Variants in PIAS1 observed in about 807,000 individuals in gnomAD.
PIAS1 encodes E3 SUMO-protein ligase PIAS1.
A neutral mutation model predicts 71.3 loss-of-function variants in PIAS1; 6 were observed. The observed-to-expected ratio is 0.08, with a 90% CI of 0.05 to 0.17. PIAS1 has a LOEUF of 0.17. Among genes scored for constraint, PIAS1 ranks in the 10% least tolerant of loss-of-function variants. PIAS1 has a pLI of 1.00. For missense variants in PIAS1, 555 were observed against 793.6 expected (o/e 0.70, Z 3.61); for synonymous variants, 303 against 292.9 (o/e 1.03, Z -0.35).
chr15:68,106,155 A>G (rs1413990397), intron 2 of PIAS1, among the ~76,000 whole-genome samples: 1 of 152,140 alleles, frequency 6.6e-6, no homozygotes, highest in Non-Finnish European at 1.5e-5. Context: ...TTGTGTATAC[A>G]TACATTTTCA....
intron 2 of PIAS1, among the ~76,000 whole-genome samples, chr15:68,112,855 T>TTA (rs528200142): frequency 1.0e-3 from 2 of 1,924 alleles, no homozygotes; most frequent in Admixed American, 0.023. Context: ...AGAGTATGTC[T>TTA]CGGAAATAAC....
intron 2 of PIAS1, among the ~76,000 whole-genome samples, chr15:68,121,726 T>A (rs2092614974): frequency 6.6e-6 from 1 of 152,132 alleles, no homozygotes; most frequent in Non-Finnish European, 1.5e-5. Flanking sequence ...TACCCAGACC[T>A]CTCTCTAAGC....
rs1486252770 is a variant in PIAS1, at chr15:68,151,845, G to A, written c.829-1745G>A. On this transcript the variant is annotated intron_variant, in intron 6 of 13. Coordinates refer to ENST00000249636, the MANE Select transcript of PIAS1 (RefSeq NM_016166.3). ...ACTGCACTCCGGCCTGGGTGACAGA[G>A]CGAGACTCTGTCTCAAATTAAATAA... Among the ~76,000 whole-genome samples, 5 of 150,706 alleles carry A rather than the reference G, an allele frequency of 3.3e-5. No homozygotes were observed. In the South Asian group the frequency reaches 6.3e-4, roughly 19 times the overall value.
At chr15:68,125,363 G>A (rs546908310) in intron 2 of PIAS1, among the ~76,000 whole-genome samples, 7 of 152,210 alleles carry the variant, frequency 4.6e-5, no homozygotes, top group Non-Finnish European at 1.0e-4. Flanking sequence ...TCATCTTGAG[G>A]TCTTCTTTCA....
At chr15:68,098,265 T>C (rs2140995146) in intron 2 of PIAS1, among the ~76,000 whole-genome samples, 1 of 152,342 alleles carries the variant, frequency 6.6e-6, no homozygotes, top group Non-Finnish European at 1.5e-5. Context: ...GTATGTATTG[T>C]GTACTGTATT....
chr15:68,132,343 C>T (rs2141033224), intron 2 of PIAS1, among the ~76,000 whole-genome samples: 1 of 152,100 alleles, frequency 6.6e-6, no homozygotes, highest in South Asian at 2.1e-4. Context: ...GGCGTGGTGG[C>T]CCTCACCTGT....
chr15:68,120,174 A>G (rs2092601733), intron 2 of PIAS1, among the ~76,000 whole-genome samples: 1 of 150,604 alleles, frequency 6.6e-6, no homozygotes, highest in African/African-American at 2.4e-5. Context: ...TCTTTTCTAT[A>G]CTTTTACTTT....
chr15:68,069,646 C>T (rs1357101602), intron 1 of PIAS1, among the ~76,000 whole-genome samples: 1 of 151,798 alleles, frequency 6.6e-6, no homozygotes, highest in East Asian at 1.9e-4. Flanking sequence ...ACTAAAAATA[C>T]AAAAAATTAG....
At chr15:68,065,914 G>C (rs1406154810) in intron 1 of PIAS1, among the ~76,000 whole-genome samples, 6 of 32,164 alleles carry the variant, frequency 1.9e-4, no homozygotes, top group Non-Finnish European at 1.1e-4. Flanking sequence ...CTGACTAAAA[G>C]CTTTTTTTTT....
intron 1 of PIAS1, among the ~76,000 whole-genome samples, chr15:68,084,132 G>A (rs1364590493): frequency 6.6e-6 from 1 of 152,094 alleles, no homozygotes; most frequent in Non-Finnish European, 1.5e-5. Context: ...TTGTACCTAT[G>A]GAATAAAGAC....
At chr15:68,151,759 C>T (rs2092847253) in intron 6 of PIAS1, among the ~76,000 whole-genome samples, 1 of 150,134 alleles carries the variant, frequency 6.7e-6, no homozygotes, top group East Asian at 2.0e-4. Context: ...ACTTGGGATG[C>T]TGAGGCAGGA....
intron 2 of PIAS1, among the ~76,000 whole-genome samples, chr15:68,134,494 A>ACC (rs1157391041): frequency 5.5e-5 from 2 of 36,094 alleles, no homozygotes; most frequent in South Asian, 1.6e-3. Flanking sequence ...CGGGGGGCTG[A>ACC]CCCCCCCCAC....
intron 2 of PIAS1, among the ~76,000 whole-genome samples, chr15:68,114,544 A>G (rs1325171216): frequency 6.6e-6 from 1 of 152,106 alleles, no homozygotes; most frequent in Non-Finnish European, 1.5e-5. Context: ...ATTCGTAGAT[A>G]GGAACTTTAG....
intron 7 of PIAS1, among the ~76,000 whole-genome samples, chr15:68,159,224 A>T (rs893892495): frequency 1.1e-4 from 17 of 152,094 alleles, no homozygotes; most frequent in African/African-American, 3.9e-4. Flanking sequence ...TATATGTCTT[A>T]TTTTTATTTT....
chr15:68,078,583 A>G (rs1202316362), intron 1 of PIAS1, among the ~76,000 whole-genome samples: 2 of 152,200 alleles, frequency 1.3e-5, no homozygotes, highest in Non-Finnish European at 2.9e-5. Flanking sequence ...AGTGTAACAT[A>G]TACTCAGCTC....
At chr15:68,072,119 C>T (rs370087514) in intron 1 of PIAS1, among the ~76,000 whole-genome samples, 191 of 151,122 alleles carry the variant, frequency 1.3e-3, no homozygotes, top group African/African-American at 4.4e-3. Context: ...GGGAAGTTGG[C>T]CGGGCGCAGT....
chr15:68,055,318 C>G (rs2091883840), intron 1 of PIAS1: 1 of 464,532 alleles, frequency 2.2e-6, no homozygotes, highest in Non-Finnish European at 2.8e-6. Flanking sequence ...AAATTCTCCC[C>G]TCATGCTACT....
chr15:68,091,022 C>T (rs1397431246), intron 2 of PIAS1, among the ~76,000 whole-genome samples: 2 of 150,682 alleles, frequency 1.3e-5, no homozygotes, highest in Admixed American at 6.6e-5. Context: ...ACCTGGCAGC[C>T]GCATGTATTA....
chr15:68,137,406 A>G (rs960477068), intron 2 of PIAS1, among the ~76,000 whole-genome samples: 7 of 152,178 alleles, frequency 4.6e-5, no homozygotes, highest in African/African-American at 1.4e-4. Flanking sequence ...AAGCTTTCAT[A>G]TTGTATCTAT....
Sources: allele counts gnomAD v4.1 joint callset (sites outside exome capture counted in the v4.1 genomes callset), GRCh38; gene constraint gnomAD v4.1.1; transcripts MANE v1.5; gene names NCBI Gene and HGNC (gene_info 2026-07-23, HGNC 2026-07-21).